Variants in TPT1 observed in about 807,000 individuals in gnomAD.
The protein encoded by TPT1 is tumor protein, translationally-controlled 1, also known as translationally-controlled tumor protein.
A neutral mutation model predicts 22.8 loss-of-function variants in TPT1; 5 were observed. The observed-to-expected ratio is 0.22, with a 90% CI of 0.11 to 0.46. The LOEUF is 0.46. TPT1 is among the 20% of genes least tolerant of loss of function. The pLI is 0.99. For synonymous variants in TPT1, 89 were observed against 73.6 expected, an observed-to-expected ratio of 1.21 and a Z score of -1.07; for missense variants, 130 against 218.7, an observed-to-expected ratio of 0.59 and a Z score of 2.56.
In TPT1 at chr13:45,336,398, A is replaced by G. The variant is rs966558167; in HGVS notation, c.*988T>C. On this transcript the variant is annotated 3_prime_UTR_variant, in exon 6 of 6. Transcript: ENST00000530705. ...CATGTTCTTCTTGCATCTGTGGTGG[A>G]AACCATAGCAGCAGATAGCAACTGC... 6.6e-6 allele frequency: 1 copy of G among 152,242 alleles called. No individual in the cohort carries two copies. Among genetic ancestry groups the G allele is most frequent in the African/African-American group, 2.4e-5 (1 of 41,466 alleles). 9.4% of individuals were successfully genotyped at this position (152,242 alleles called of 1,614,324 possible).
rs768662899 is a variant in TPT1 at position 45,337,345 on chromosome 13, TATG to T, written c.*38_*40del. The T allele has an allele frequency of 1.0e-5, 16 of 1,605,426 alleles. No individual in the cohort carries two copies. In the East Asian group the frequency reaches 2.5e-4, roughly 25 times the overall value. ...GTGTGGATGACAAGCAGAAGCCAGT[TATG>T]ATGACAGGTGATAGATCCAAAATAA... On this transcript the variant is annotated 3_prime_UTR_variant, in exon 6 of 6. Coordinates refer to ENST00000530705, the MANE Select transcript of TPT1 (RefSeq NM_003295.4).
chr13:45,338,705 G>A lies in TPT1; in HGVS notation c.471C>T (p.Thr157=), dbSNP rs377470844. ...CATCCTTAAAGAAAATCATATATGG[G>A]GTCACACCATCCTCACGGTAGTCCA... ...ALLDYREDGV[T]PYMIFFKDGL... Residue 157 remains threonine (T), a synonymous_variant, in exon 5 of 6, where the codon ACC becomes ACT. Transcript: ENST00000530705. The A allele has an allele frequency of 1.2e-6, 2 of 1,612,058 alleles. No individual in the cohort carries two copies. Among genetic ancestry groups the A allele is most frequent in the South Asian group, 1.1e-5 (1 of 90,730 alleles).
rs1026139875 is a variant in TPT1 at position 45,336,019 on chromosome 13, A to C, written c.*1367T>G. 1 of 152,090 alleles carries C rather than the reference A, an allele frequency of 6.6e-6. No individual in the cohort carries two copies. The highest frequency in any genetic ancestry group is 1.5e-5 in the Non-Finnish European group (1 of 68,052). 9.4% of individuals were successfully genotyped at this position (152,090 alleles called of 1,614,324 possible). Reference sequence around the variant, plus strand: ...GGTAAGGCTGATAGACTATTTCCCAAAACTCACGTTTTGAAAATTCCCCTC... The same window carrying C: ...GGTAAGGCTGATAGACTATTTCCCACAACTCACGTTTTGAAAATTCCCCTC... On this transcript the variant is annotated 3_prime_UTR_variant, in exon 6 of 6. Transcript: ENST00000530705.
In TPT1 at chr13:45,335,941, G is replaced by C. The variant is rs551945757; in HGVS notation, c.*1445C>G. Reference sequence around the variant, plus strand: ...ACCACTACATTCACATGTTCAAGCAGACCAGAGTCACTGGCCTGCTTTTAA... The same window carrying C: ...ACCACTACATTCACATGTTCAAGCACACCAGAGTCACTGGCCTGCTTTTAA... On this transcript the variant is annotated 3_prime_UTR_variant, in exon 6 of 6. Coordinates refer to ENST00000530705, the MANE Select transcript of TPT1 (RefSeq NM_003295.4). The C allele has an allele frequency of 6.6e-5, 10 of 152,276 alleles. No individual in the cohort carries two copies. The East Asian group carries it at 1.7e-3, about 26-fold the overall frequency. The allele number at this position is 152,276 out of a possible 1,614,324, so 9.4% of individuals were successfully genotyped here.
rs1482843914 is a variant in TPT1 at position 45,336,740 on chromosome 13, T to TA, written c.*645dup. On this transcript the variant is annotated 3_prime_UTR_variant, in exon 6 of 6. Transcript: ENST00000530705. Reference sequence around the variant, plus strand: ...CATTTAAAAAGGCAACCAACCACCTTAAAGTGTACAAAACAGGTGGTCAGA... The same window carrying TA: ...CATTTAAAAAGGCAACCAACCACCTTAAAAGTGTACAAAACAGGTGGTCAGA... 4 of 152,484 alleles carry TA rather than the reference T, an allele frequency of 2.6e-5. No homozygotes were observed. The highest frequency in any genetic ancestry group is 9.7e-5 in the African/African-American group (4 of 41,446). The allele number at this position is 152,484 out of a possible 1,614,324, so 9.4% of individuals were successfully genotyped here.
chr13:45,334,601 TTG>T lies in TPT1; in HGVS notation c.*2783_*2784del, dbSNP rs2138318598. The T allele has an allele frequency of 1.3e-5, 2 of 152,302 alleles. No individual in the cohort carries two copies. The highest frequency in any genetic ancestry group is 2.1e-4 in the South Asian group (1 of 4,816). 9.4% of individuals were successfully genotyped at this position (152,302 alleles called of 1,614,324 possible). ...CATCCTCACCCACCAGCATATCCTG[TTG>T]TCTCTATCTTCATTTCCTACCACCT... On this transcript the variant is annotated 3_prime_UTR_variant, in exon 6 of 6. Transcript: ENST00000530705.
At chr13:45,340,525 G>T (rs1483961477) in intron 2 of TPT1, 187 bp downstream of exon 2, 1 of 805,706 alleles carries the variant, frequency 1.2e-6, no homozygotes. Flanking sequence ...GAGGATGGGC[G>T]CCGAGGCGGC....
intron 2 of TPT1, chr13:45,340,500 G>A (rs993443084): frequency 3.9e-6 from 3 of 760,450 alleles, no homozygotes; most frequent in South Asian, 1.5e-5. Flanking sequence ...ATCATGTCCC[G>A]GACAACCCCG....
chr13:45,337,336 G>A lies in TPT1; in HGVS notation c.*50C>T. 1 of 1,587,518 alleles carries A rather than the reference G, an allele frequency of 6.3e-7. No homozygotes were observed. Among genetic ancestry groups the A allele is most frequent in the African/African-American group, 1.3e-5 (1 of 74,458 alleles). The stretch of plus-strand genomic sequence containing the variant: ...CCTGGTGTTGTGTGGATGACAAGCA[G>A]AAGCCAGTTATGATGACAGGTGATA... On this transcript the variant is annotated 3_prime_UTR_variant, in exon 6 of 6. Coordinates refer to ENST00000530705, the MANE Select transcript of TPT1 (RefSeq NM_003295.4).
chr13:45,340,286 G>T, intron 2 of TPT1, 102 bp from the exon 3 acceptor site: 1 of 1,409,264 alleles, frequency 7.1e-7, no homozygotes, highest in Non-Finnish European at 9.8e-7. Context: ...AGTTCTTGCT[G>T]AAAATAAAAA....
intron 4 of TPT1, chr13:45,338,996 C>CCTTT: frequency 2.3e-6 from 1 of 437,340 alleles, no homozygotes; most frequent in Non-Finnish European, 4.0e-6. Flanking sequence ...AATCCAGGAA[C>CCTTT]ACTAGGCTTT....
In TPT1 at chr13:45,337,391, G is replaced by A; in HGVS notation, c.517-3C>T. The A allele has an allele frequency of 6.2e-7, 1 of 1,613,958 alleles. No individual in the cohort carries two copies. Among genetic ancestry groups the A allele is most frequent in the Non-Finnish European group, 8.5e-7 (1 of 1,179,938 alleles). ...CAAAATAATTGCCACATTTGTTACT[G>A]TAAAAGCAAAAACTACATTAATATT... On this transcript the variant is annotated splice_polypyrimidine_tract_variant and splice_region_variant and intron_variant, in intron 5 of 5. Coordinates refer to ENST00000530705, the MANE Select transcript of TPT1 (RefSeq NM_003295.4).
In TPT1 at chr13:45,337,275, G is replaced by A; in HGVS notation, c.*111C>T. On this transcript the variant is annotated 3_prime_UTR_variant, in exon 6 of 6. Transcript: ENST00000530705. The stretch of plus-strand genomic sequence containing the variant: ...ATAAATCACAGTCAAAATAAATGAA[G>A]AGCTCAAGATGACATCAGTCCCATT... 9.9e-7 allele frequency: 1 copy of A among 1,012,166 alleles called. No homozygotes were observed. Among genetic ancestry groups the A allele is most frequent in the Non-Finnish European group, 1.5e-6 (1 of 657,994 alleles). The allele number at this position is 1,012,166 out of a possible 1,614,324, so 62.7% of individuals were successfully genotyped here. A position where few individuals can be genotyped will look rare whatever the true frequency, so the allele number is the denominator to read the frequency against.
Position 45,339,592 on chromosome 13 carries a change from TC to T in TPT1, c.303del (p.Lys102AsnfsTer10), listed in dbSNP as rs1389455333. The T allele has an allele frequency of 6.2e-7, 1 of 1,612,052 alleles. No homozygotes were observed. The highest frequency in any genetic ancestry group is 8.5e-7 in the Non-Finnish European group (1 of 1,179,314). On this transcript the variant is annotated frameshift_variant, in exon 4 of 6. Coordinates refer to ENST00000530705, the MANE Select transcript of TPT1 (RefSeq NM_003295.4). LOFTEE classifies it high-confidence loss of function. Reference protein sequence around the residue: ...YIKDYMKSIKGKLEEQRPERV... With the variant: ...YIKDYMKSIKXKLEEQRPERV... ...CTTTCTGGTCTCTGTTCTTCAAGTT[TC>T]CCTTTGATTCTAAAACAACATTTCA...
rs1878526778 is a variant in TPT1, at chr13:45,333,991, G to A, written c.*3395C>T. The stretch of plus-strand genomic sequence containing the variant: ...GTGTCTCACTGCCGCCCAGGCTGGA[G>A]TGCAGTGGTATGATCACAGCTCACT... On this transcript the variant is annotated 3_prime_UTR_variant, in exon 6 of 6. Coordinates refer to ENST00000530705, the MANE Select transcript of TPT1 (RefSeq NM_003295.4). 1 of 152,118 alleles carries A rather than the reference G, an allele frequency of 6.6e-6. No homozygotes were observed. 9.4% of individuals were successfully genotyped at this position (152,118 alleles called of 1,614,324 possible). A position where few individuals can be genotyped will look rare whatever the true frequency, so the allele number is the denominator to read the frequency against.
chr13:45,340,647 G>A (rs921038919), intron 2 of TPT1, 65 bp downstream of exon 2: 5 of 1,519,296 alleles, frequency 3.3e-6, no homozygotes, highest in Admixed American at 2.0e-5. Context: ...CCTCAGGCGG[G>A]GGAGCGGAGG....
chr13:45,341,140 C>T lies in TPT1; in HGVS notation c.-71G>A, dbSNP rs1420834743. 6.3e-7 allele frequency: 1 copy of T among 1,592,674 alleles called. No homozygotes were observed. The highest frequency in any genetic ancestry group is 8.5e-7 in the Non-Finnish European group (1 of 1,170,098). On this transcript the variant is annotated 5_prime_UTR_variant, in exon 1 of 6. Coordinates refer to ENST00000530705, the MANE Select transcript of TPT1 (RefSeq NM_003295.4). ...CCTGAAACTCGGAGCGAGCGCGGTG[C>T]AGCCGGAGCGGCGCTCGGGGGGAGG...
In TPT1 at chr13:45,335,267, C is replaced by G. The variant is rs1417552578; in HGVS notation, c.*2119G>C. The G allele has an allele frequency of 6.6e-6, 1 of 152,184 alleles. No homozygotes were observed. Among genetic ancestry groups the G allele is most frequent in the East Asian group, 1.9e-4 (1 of 5,198 alleles). The allele number at this position is 152,184 out of a possible 1,614,324, so 9.4% of individuals were successfully genotyped here. On this transcript the variant is annotated 3_prime_UTR_variant, in exon 6 of 6. Transcript: ENST00000530705. The stretch of plus-strand genomic sequence containing the variant: ...TGAGGTAAACAGCTGGGGTTCATCA[C>G]TTCTGACTTAAATAGACATGATAAA...
Position 45,341,123 on chromosome 13 carries a change from T to G in TPT1, c.-54A>C, listed in dbSNP as rs1879103630. The G allele has an allele frequency of 2.1e-5, 33 of 1,603,458 alleles. 1 individual carries two copies. The South Asian group carries it at 3.3e-4, about 16-fold the overall frequency. ...CGCTAGCTTAGCACGAGCCTGAAAC[T>G]CGGAGCGAGCGCGGTGCAGCCGGAG... is the stretch of plus-strand genomic sequence containing the variant. On this transcript the variant is annotated 5_prime_UTR_variant, in exon 1 of 6. Coordinates refer to ENST00000530705, the MANE Select transcript of TPT1 (RefSeq NM_003295.4).
Sources: allele counts gnomAD v4.1 joint callset, GRCh38; gene constraint gnomAD v4.1.1; transcripts MANE v1.5; gene names NCBI Gene and HGNC (gene_info 2026-07-23, HGNC 2026-07-21).